The following ANKHD1 variants were observed in gnomAD, a reference collection of about 807,000 sequenced individuals.
ANKHD1 encodes the protein ankyrin repeat and KH domain-containing protein 1.
Under a neutral mutation model 230.5 loss-of-function variants are expected in ANKHD1, and 31 were observed. The ratio of observed to expected loss-of-function variants is 0.13; its 90% confidence interval spans 0.10 to 0.18. The LOEUF is 0.18. Among genes scored for constraint, ANKHD1 ranks in the 10% least tolerant of loss-of-function variants. The pLI is 1.00. For synonymous variants in ANKHD1, 1,074 were observed against 1,117.6 expected (o/e 0.96, Z 0.78); for missense variants, 2,256 against 3,071.3 (o/e 0.73, Z 6.27).
At chr5:140,494,579 C>T (rs922097614) in intron 14 of ANKHD1, among the ~76,000 whole-genome samples, 2 of 152,078 alleles carry the variant, frequency 1.3e-5, no homozygotes, top group Non-Finnish European at 2.9e-5. Flanking sequence ...AGGTGAAAAA[C>T]TTAGACTTTT....
At chr5:140,446,421 C>T (rs535553246) in intron 6 of ANKHD1, among the ~76,000 whole-genome samples, 12 of 151,904 alleles carry the variant, frequency 7.9e-5, no homozygotes, top group Non-Finnish European at 1.6e-4. Flanking sequence ...AGTGCAGTGG[C>T]GCGAACTCAG....
At chr5:140,448,061 T>A (rs958460170) in intron 6 of ANKHD1, among the ~76,000 whole-genome samples, 1 of 152,078 alleles carries the variant, frequency 6.6e-6, no homozygotes, top group Non-Finnish European at 1.5e-5. Context: ...GGCAGGAGGA[T>A]CTCTTGAGGC....
intron 15 of ANKHD1, among the ~76,000 whole-genome samples, chr5:140,503,722 C>T (rs998307097): frequency 1.3e-5 from 2 of 151,574 alleles, no homozygotes; most frequent in Non-Finnish European, 2.9e-5. Context: ...CGCGTTCCAC[C>T]ACTCCCAGCT....
intron 1 of ANKHD1, among the ~76,000 whole-genome samples, chr5:140,426,661 C>T (rs1420884837): frequency 2.0e-5 from 3 of 152,062 alleles, no homozygotes; most frequent in Non-Finnish European, 2.9e-5. Flanking sequence ...GAGGACCCTG[C>T]GGCCTTCCGC....
At chr5:140,461,655 A>C (rs1049520785) in intron 9 of ANKHD1, among the ~76,000 whole-genome samples, 2 of 152,174 alleles carry the variant, frequency 1.3e-5, no homozygotes, top group Non-Finnish European at 2.9e-5. Flanking sequence ...CCCCATTCTT[A>C]CAAAATTATT....
At chr5:140,472,370 C>T in intron 10 of ANKHD1, 2 of 1,575,542 alleles carry the variant, frequency 1.3e-6, no homozygotes, top group Non-Finnish European at 1.7e-6. Flanking sequence ...CTCTGGATAT[C>T]TGAATTCCAG....
intron 15 of ANKHD1, among the ~76,000 whole-genome samples, chr5:140,501,951 T>C (rs781067563): frequency 2.0e-5 from 3 of 151,380 alleles, no homozygotes; most frequent in Non-Finnish European, 2.9e-5. Flanking sequence ...CCTGTAATCC[T>C]AGCTACTTGG....
chr5:140,426,713 T>A (rs999971151), intron 1 of ANKHD1, among the ~76,000 whole-genome samples: 15 of 152,234 alleles, frequency 9.9e-5, no homozygotes, highest in African/African-American at 3.1e-4. Context: ...GGAGTGGTGA[T>A]GACTCTTAAA....
At chr5:140,524,924 C>G in intron 25 of ANKHD1, 1 of 322,002 alleles carries the variant, frequency 3.1e-6, no homozygotes, top group Non-Finnish European at 6.2e-6. Flanking sequence ...TATGGTGAAA[C>G]CCCGTCTCTA....
In ANKHD1 at chr5:140,526,281, C is replaced by T; in HGVS notation, c.4778C>T (p.Ser1593Leu). 6.2e-7 allele frequency: 1 copy of T among 1,614,172 alleles called. No individual in the cohort carries two copies. Residue 1593 changes from serine (S) to leucine (L), a missense_variant, in exon 26 of 34, where the codon TCA (serine) becomes TTA (leucine). Ser to Leu is a moderately radical substitution (Grantham distance 145). This residue lies in a region of ANKHD1 where 212 missense variants were observed against 257.3 expected (regional missense o/e 0.82). Coordinates refer to ENST00000360839, the MANE Select transcript of ANKHD1 (RefSeq NM_017747.3). ...RGGGAGGNSD[S>L]DNLDSTDCNS... is the part of the protein sequence containing the mutation. The stretch of plus-strand genomic sequence containing the variant: ...GGTGGTGCAGGTGGGAATAGTGATT[C>T]AGATAACTTGGACAGCACAGACTGC...
At chr5:140,469,619 G>A (rs1016967943) in intron 10 of ANKHD1, among the ~76,000 whole-genome samples, 1 of 152,018 alleles carries the variant, frequency 6.6e-6, no homozygotes, top group African/African-American at 2.4e-5. Flanking sequence ...CTTTCTGGAA[G>A]TATGTGAAGA....
chr5:140,523,642 C>A (rs1235162683), intron 24 of ANKHD1, among the ~76,000 whole-genome samples: 1 of 151,282 alleles, frequency 6.6e-6, no homozygotes, highest in East Asian at 1.9e-4. Flanking sequence ...CTCATTGCAA[C>A]CTCTGTCTCC....
At chr5:140,468,784 G>T (rs570463724) in intron 10 of ANKHD1, among the ~76,000 whole-genome samples, 1 of 151,892 alleles carries the variant, frequency 6.6e-6, no homozygotes. Context: ...ATTTATCTAC[G>T]CATAAACACC....
intron 9 of ANKHD1, among the ~76,000 whole-genome samples, chr5:140,461,226 G>A (rs1488062834): frequency 6.6e-6 from 1 of 152,126 alleles, no homozygotes; most frequent in Non-Finnish European, 1.5e-5. Flanking sequence ...ATATAACTCC[G>A]TCGAAGGTAA....
At chr5:140,488,542 G>A (rs896941279) in intron 14 of ANKHD1, among the ~76,000 whole-genome samples, 8 of 151,236 alleles carry the variant, frequency 5.3e-5, no homozygotes, top group African/African-American at 1.9e-4. Context: ...GCTGAGTTGA[G>A]GCCATTGCAT....
At chr5:140,434,601 A>C (rs1773302535) in intron 1 of ANKHD1, among the ~76,000 whole-genome samples, 1 of 151,760 alleles carries the variant, frequency 6.6e-6, no homozygotes. Context: ...GCAAAATAAG[A>C]ATCATACTGT....
rs1470985686 is a variant in ANKHD1, at chr5:140,538,129, A to G, written c.7272A>G (p.Pro2424=). The change falls in exon 32 of 34, where the codon CCA becomes CCG. Residue 2424 remains proline (P), a synonymous_variant. Coordinates refer to ENST00000360839, the MANE Select transcript of ANKHD1 (RefSeq NM_017747.3). The part of the protein sequence containing the change: ...GWSQSVMGNH[P]MHQQLSDPST... The stretch of plus-strand genomic sequence containing the variant: ...CGCAATCTGTGATGGGGAACCATCC[A>G]ATGCATCAACAATTATCAGACCCAA... 1 of 1,614,080 alleles carries G rather than the reference A, an allele frequency of 6.2e-7. No individual in the cohort carries two copies. The highest frequency in any genetic ancestry group is 1.1e-5 in the South Asian group (1 of 91,070).
intron 1 of ANKHD1, 139 bp from the exon 2 acceptor site, chr5:140,435,965 C>A: frequency 8.7e-7 from 1 of 1,152,774 alleles, no homozygotes; most frequent in Non-Finnish European, 1.2e-6. Context: ...AAAGTCCATT[C>A]CCATACTCCC....
intron 7 of ANKHD1, among the ~76,000 whole-genome samples, chr5:140,451,581 C>G (rs1774736546): frequency 6.6e-6 from 1 of 152,120 alleles, no homozygotes; most frequent in Non-Finnish European, 1.5e-5. Flanking sequence ...GATCTTGGCT[C>G]ACTGCAACCT....
Sources: allele counts gnomAD v4.1 joint callset (sites outside exome capture counted in the v4.1 genomes callset), GRCh38; gene constraint gnomAD v4.1.1; regional missense constraint gnomAD v4.1.1; transcripts MANE v1.5; gene names NCBI Gene and HGNC (gene_info 2026-07-23, HGNC 2026-07-21).